The following DAB2IP variants were observed in gnomAD, a reference collection of about 807,000 sequenced individuals.
The protein encoded by DAB2IP is disabled homolog 2-interacting protein.
A neutral mutation model predicts 107.2 loss-of-function variants in DAB2IP; 28 were observed. That is an observed-to-expected ratio of 0.26 (90% confidence interval 0.19 to 0.36). The LOEUF is 0.36. DAB2IP is among the 10% of genes least tolerant of loss of function. DAB2IP has a pLI of 1.00. For missense variants in DAB2IP, 1,400 were observed against 1,644.7 expected (o/e 0.85, Z 2.57); for synonymous variants, 755 against 706.4 (o/e 1.07, Z -1.09).
chr9:121,768,249 G>A (rs891763897), intron 9 of DAB2IP, among the ~76,000 whole-genome samples, 183 bp from the exon 10 acceptor site: 1 of 152,154 alleles, frequency 6.6e-6, no homozygotes, highest in Non-Finnish European at 1.5e-5. Flanking sequence ...AGGATCGCTG[G>A]ACTTACCATG....
chr9:121,763,682 G>A, intron 7 of DAB2IP, 33 bp downstream of exon 7: 1 of 1,611,970 alleles, frequency 6.2e-7, no homozygotes, highest in Middle Eastern at 1.7e-4. Context: ...GGCAGAGGGT[G>A]GGGCAGGGCC....
chr9:121,762,748 A>C (rs1318802158), intron 6 of DAB2IP, among the ~76,000 whole-genome samples: 1 of 152,180 alleles, frequency 6.6e-6, no homozygotes, highest in Non-Finnish European at 1.5e-5. Context: ...GCCACAGGTT[A>C]GTTGTGAGCA....
intron 9 of DAB2IP, among the ~76,000 whole-genome samples, chr9:121,767,004 GTATTAT>G (rs1465444571): frequency 3.9e-5 from 6 of 152,136 alleles, no homozygotes; most frequent in African/African-American, 1.4e-4. Flanking sequence ...TTGAATTAAT[GTATTAT>G]TATAAGGATT....
At chr9:121,746,913 ATGGGTG>A (rs1188614249) in intron 3 of DAB2IP, among the ~76,000 whole-genome samples, 1 of 152,148 alleles carries the variant, frequency 6.6e-6, no homozygotes, top group African/African-American at 2.4e-5. Context: ...GCCATGATGC[ATGGGTG>A]TGTTCACATG....
rs192575334 is a variant in DAB2IP at position 121,746,215 on chromosome 9, C to T, written c.363-10798C>T. Among the ~76,000 whole-genome samples, 228 of 152,132 alleles carry T rather than the reference C, an allele frequency of 1.5e-3. 2 individuals are homozygous for T. The highest frequency in any genetic ancestry group is 5.2e-3 in the African/African-American group (215 of 41,492). On this transcript the variant is annotated intron_variant, in intron 3 of 15. Coordinates refer to ENST00000408936, the Ensembl canonical transcript of DAB2IP. ...GCGTGCGGGAAGGGACAGAATGCCCCGGGAAGGCAGTCTCAGCCCAGCCTG... is the reference window on the plus strand; with the variant it reads ...GCGTGCGGGAAGGGACAGAATGCCCTGGGAAGGCAGTCTCAGCCCAGCCTG...
At chr9:121,600,369 C>G (rs1830653091) in intron 1 of DAB2IP, among the ~76,000 whole-genome samples, 1 of 152,114 alleles carries the variant, frequency 6.6e-6, no homozygotes, top group African/African-American at 2.4e-5. Context: ...TGCTCTGGAC[C>G]CCACCTTCCG....
rs144362453 is a variant in DAB2IP at position 121,595,584 on chromosome 9, A to G, written c.40+28356A>G. 2.3e-4 allele frequency among the ~76,000 whole-genome samples: 34 copies of G among 146,048 alleles called. No individual in the cohort carries two copies. The East Asian group carries it at 6.6e-3, about 28-fold the overall frequency. On this transcript the variant is annotated intron_variant, in intron 1 of 16. Transcript: ENST00000259371. ...TGCTACTGCACTCCAGCCTGGTTGA[A>G]AGAGAGAGGTGCTGTCTCAAAAAAA... is the stretch of plus-strand genomic sequence containing the variant.
chr9:121,654,615 T>C (rs1832899810), intron 1 of DAB2IP, among the ~76,000 whole-genome samples: 1 of 152,098 alleles, frequency 6.6e-6, no homozygotes, highest in African/African-American at 2.4e-5. Flanking sequence ...CGCCTGACTC[T>C]ACCCCAGAGC....
At chr9:121,759,859 C>T (rs766658479) in intron 5 of DAB2IP, 26 bp from the exon 6 acceptor site, 1 of 1,587,962 alleles carries the variant, frequency 6.3e-7, no homozygotes, top group Admixed American at 1.7e-5. Flanking sequence ...CCCAGCTGAC[C>T]ACCCTGGACC....
intron 3 of DAB2IP, among the ~76,000 whole-genome samples, chr9:121,756,274 G>A (rs547545612): frequency 6.6e-6 from 1 of 152,340 alleles, no homozygotes; most frequent in Admixed American, 6.5e-5. Context: ...ACACAGCAGG[G>A]GAGCAGCGGG....
chr9:121,739,312 GGCGTTGGGTGTT>G (rs1398496334), intron 3 of DAB2IP, among the ~76,000 whole-genome samples: 4 of 152,226 alleles, frequency 2.6e-5, no homozygotes, highest in African/African-American at 7.2e-5. Context: ...TGTGGTGGGG[GGCGTTGGGTGTT>G]GCTGGATGAG....
intron 1 of DAB2IP, among the ~76,000 whole-genome samples, chr9:121,604,160 A>C (rs1830788953): frequency 6.6e-6 from 1 of 152,196 alleles, no homozygotes; most frequent in Non-Finnish European, 1.5e-5. Context: ...ACCCCACTGC[A>C]GGCCCTCTCA....
At chr9:121,748,493 A>T (rs1266188064) in intron 3 of DAB2IP, among the ~76,000 whole-genome samples, 2 of 152,190 alleles carry the variant, frequency 1.3e-5, no homozygotes, top group African/African-American at 4.8e-5. Context: ...TAAAGCTTCC[A>T]TTGAGCCTTT....
At chr9:121,766,778 C>T in intron 9 of DAB2IP, 48 bp downstream of exon 9, 1 of 1,591,088 alleles carries the variant, frequency 6.3e-7, no homozygotes, top group Non-Finnish European at 8.6e-7. Context: ...GGCTGGTGTC[C>T]ACAGGGCAGG....
In DAB2IP at chr9:121,651,721, G is replaced by A. The variant is rs1832748191; in HGVS notation, c.-55G>A. The A allele has an allele frequency of 1.7e-5, 20 of 1,184,340 alleles. No homozygotes were observed. In the East Asian group the frequency reaches 7.2e-4, roughly 42 times the overall value. 73.4% of individuals were successfully genotyped at this position (1,184,340 alleles called of 1,614,324 possible). Reference sequence around the variant, plus strand: ...GCCCGCCGGGCTGTCCGGAGCGGCCGATGGGGCCCGTGTGAGCGCGCCCAG... The same window carrying A: ...GCCCGCCGGGCTGTCCGGAGCGGCCAATGGGGCCCGTGTGAGCGCGCCCAG... On this transcript the variant is annotated 5_prime_UTR_variant, in exon 1 of 16. Transcript: ENST00000408936. This position sits in a 1 kb window ranked among gnomAD's most constrained non-coding sequence, Gnocchi z 5.1.
intron 1 of DAB2IP, among the ~76,000 whole-genome samples, chr9:121,585,226 G>C (rs1430097930): frequency 6.6e-6 from 1 of 152,126 alleles, no homozygotes; most frequent in African/African-American, 2.4e-5. Flanking sequence ...AATGGCGAGG[G>C]GTCAATGAGA....
intron 14 of DAB2IP, among the ~76,000 whole-genome samples, chr9:121,777,791 A>G (rs1225563076): frequency 1.3e-5 from 2 of 152,150 alleles, no homozygotes; most frequent in African/African-American, 4.8e-5. Context: ...CTTTATGTAC[A>G]CTGAAACTAT....
At chr9:121,718,900 G>C (rs1830764597) in intron 3 of DAB2IP, among the ~76,000 whole-genome samples, 1 of 152,100 alleles carries the variant, frequency 6.6e-6, no homozygotes. Flanking sequence ...CCCTCCCCCA[G>C]TCCTAGGCGG....
At chr9:121,781,500 C>G in exon 15 of DAB2IP, 1 of 1,614,036 alleles carries the variant, frequency 6.2e-7, no homozygotes, top group Non-Finnish European at 8.5e-7. Flanking sequence ...AGAAGGACCA[C>G]GCAGAGATGC....
Sources: gnomAD v4.1 joint callset for allele counts (sites outside exome capture counted in the v4.1 genomes callset) on GRCh38, gnomAD v4.1.1 for gene constraint, Gnocchi (gnomAD v3.1) non-coding constraint, MANE v1.5 for transcripts, NCBI Gene and HGNC (gene_info 2026-07-23, HGNC 2026-07-21) for gene names.